Variants in ANKFN1 observed in about 807,000 individuals in gnomAD.
The protein encoded by ANKFN1 is ankyrin repeat and fibronectin type III domain containing 1, also known as ankyrin repeat and fibronectin type-III domain-containing protein 1.
A neutral mutation model predicts 108.7 loss-of-function variants in ANKFN1; 74 were observed. The ratio of observed to expected loss-of-function variants is 0.68; its 90% CI spans 0.56 to 0.83. The LOEUF is 0.83. Ranked by LOEUF, ANKFN1 falls within the 40% of genes least tolerant of loss-of-function variation. The pLI, the probability that ANKFN1 is intolerant of heterozygous loss-of-function variation, is 0.00. For synonymous variants in ANKFN1, 547 were observed against 516.2 expected, an observed-to-expected ratio of 1.06 and a Z score of -0.81; for missense variants, 1,505 against 1,382.3, an observed-to-expected ratio of 1.09 and a Z score of -1.41.
In ANKFN1 at chr17:56,064,724, G is replaced by A. The variant is rs1368324785; in HGVS notation, c.288+18399G>A. The stretch of plus-strand genomic sequence containing the variant: ...CTAAGGAGCTCAAATGGCTTAGACA[G>A]CAGGCAGCCGCAGCTGTGGTGCTTG... On this transcript the variant is annotated intron_variant, in intron 4 of 12. Coordinates refer to the ANKFN1 transcript ENST00000635860. 5.9e-5 allele frequency among the ~76,000 whole-genome samples: 9 copies of A among 152,368 alleles called. No homozygotes were observed. In the South Asian group the frequency reaches 1.9e-3, roughly 32 times the overall value.
At position 56,511,137 on chromosome 17, in the gene ANKFN1, C is replaced by T. The variant is rs1452908005; in HGVS notation, c.3309C>T (p.Asp1103=). ...ACGCAGCGGCCGTGGTGGCCCAGGA[C>T]GAAAAACCATGGGCAAGCTTGAGCC... ...EPYAAAVVAQ[D]EKPWASLSPP... is the part of the protein sequence containing the mutation. The change falls in exon 21 of 21, where the codon GAC becomes GAT. Residue 1103 remains aspartate, a synonymous_variant. Transcript: ENST00000682825. The T allele has an allele frequency of 1.3e-6, 2 of 1,535,906 alleles. No individual in the cohort carries two copies. The highest frequency in any genetic ancestry group is 1.7e-6 in the Non-Finnish European group (2 of 1,146,866).
intron 1 of ANKFN1, among the ~76,000 whole-genome samples, chr17:56,177,122 T>G (rs1014441167): frequency 6.6e-6 from 1 of 152,136 alleles, no homozygotes; most frequent in African/African-American, 2.4e-5. Context: ...CCTTGGTGAA[T>G]GACATGATTC....
upstream of ANKFN1, among the ~76,000 whole-genome samples, chr17:56,150,343 GA>G (rs1395121218): frequency 6.6e-6 from 1 of 152,184 alleles, no homozygotes; most frequent in Non-Finnish European, 1.5e-5. Flanking sequence ...TCCTGGGTCA[GA>G]ACCCCACATG....
At chr17:56,140,582 A>T (rs547239027) in intron 4 of ANKFN1, among the ~76,000 whole-genome samples, 29 of 152,220 alleles carry the variant, frequency 1.9e-4, no homozygotes, top group Non-Finnish European at 3.5e-4. Context: ...CGACTCTGCC[A>T]CCTAGTAGCT....
intron 6 of ANKFN1, among the ~76,000 whole-genome samples, chr17:56,367,555 C>T (rs766261662): frequency 7.2e-5 from 11 of 152,180 alleles, no homozygotes; most frequent in Non-Finnish European, 1.2e-4. Context: ...CACAATAGCA[C>T]AGAGCCTGTT....
chr17:56,492,525 A>G (rs541603460), intron 19 of ANKFN1, among the ~76,000 whole-genome samples, 172 bp downstream of exon 19: 1 of 152,302 alleles, frequency 6.6e-6, no homozygotes, highest in East Asian at 1.9e-4. Context: ...GTTTTCAAAC[A>G]AAGCCTTAAG....
chr17:56,439,915 ATG>A (rs1310286094), intron 8 of ANKFN1, among the ~76,000 whole-genome samples: 1 of 152,110 alleles, frequency 6.6e-6, no homozygotes, highest in Non-Finnish European at 1.5e-5. Context: ...GTGCCTGAGT[ATG>A]TGTGTGTATA....
At chr17:56,241,298 A>G (rs1019544518) in intron 3 of ANKFN1, among the ~76,000 whole-genome samples, 3 of 152,096 alleles carry the variant, frequency 2.0e-5, no homozygotes, top group Non-Finnish European at 2.9e-5. Flanking sequence ...AACAAATAAA[A>G]CAACAAAAAA....
chr17:56,430,580 T>G (rs1184486351), intron 8 of ANKFN1, among the ~76,000 whole-genome samples: 2 of 152,032 alleles, frequency 1.3e-5, no homozygotes, highest in East Asian at 3.9e-4. Context: ...TTGGCTTGAC[T>G]GTGTAATCAT....
intron 6 of ANKFN1, among the ~76,000 whole-genome samples, chr17:56,366,646 A>T (rs1426199020): frequency 6.6e-6 from 1 of 152,202 alleles, no homozygotes; most frequent in Non-Finnish European, 1.5e-5. Flanking sequence ...AGATTTAGAT[A>T]TACAAATACT....
chr17:56,210,053 G>GATAC (rs1362983931), intron 1 of ANKFN1, among the ~76,000 whole-genome samples: 6 of 132,408 alleles, frequency 4.5e-5, no homozygotes, highest in African/African-American at 1.1e-4. Flanking sequence ...TAGATAGATA[G>GATAC]ATAGATACAT....
At chr17:56,399,192 C>G (rs978969457) in intron 8 of ANKFN1, among the ~76,000 whole-genome samples, 6 of 152,032 alleles carry the variant, frequency 3.9e-5, no homozygotes, top group Admixed American at 1.3e-4. Context: ...AGTTAACACA[C>G]TGTATTCCAG....
chr17:56,275,431 C>A (rs977062970), intron 3 of ANKFN1, among the ~76,000 whole-genome samples: 1 of 151,360 alleles, frequency 6.6e-6, no homozygotes, highest in Non-Finnish European at 1.5e-5. Flanking sequence ...CTACCATAGA[C>A]GATTAGGAGA....
At chr17:56,059,160 T>C (rs1904929725) in intron 4 of ANKFN1, among the ~76,000 whole-genome samples, 1 of 152,248 alleles carries the variant, frequency 6.6e-6, no homozygotes, top group South Asian at 2.1e-4. Flanking sequence ...CATTGTGGTT[T>C]TGATTTGCAT....
rs1470820957 is a variant in ANKFN1, at chr17:56,385,051, G to A, written c.910+10337G>A. The stretch of plus-strand genomic sequence containing the variant: ...AAAAGAACAAAGCTGGAGGCATCAC[G>A]CTACCTGACTTCAAACTATACTACA... On this transcript the variant is annotated intron_variant, in intron 8 of 20. Coordinates refer to ENST00000682825, the MANE Select transcript of ANKFN1 (RefSeq NM_001370326.1). Among the ~76,000 whole-genome samples the A allele has an allele frequency of 7.9e-5, 12 of 151,158 alleles. No homozygotes were observed. In the East Asian group the frequency reaches 1.4e-3, roughly 17 times the overall value.
intron 4 of ANKFN1, among the ~76,000 whole-genome samples, chr17:56,336,062 A>C (rs573737712): frequency 1.3e-5 from 2 of 152,300 alleles, no homozygotes; most frequent in South Asian, 4.1e-4. Flanking sequence ...CCAGGGATGA[A>C]GCCAACTTGA....
intron 1 of ANKFN1, among the ~76,000 whole-genome samples, chr17:56,204,677 A>G (rs183649093): frequency 4.1e-4 from 63 of 152,194 alleles, no homozygotes; most frequent in Admixed American, 2.0e-3. Context: ...CGGATTGGAA[A>G]CCACTGTCAT....
intron 6 of ANKFN1, among the ~76,000 whole-genome samples, chr17:56,364,067 A>G (rs1042743109): frequency 2.0e-5 from 3 of 152,178 alleles, no homozygotes; most frequent in African/African-American, 7.2e-5. Context: ...AAATTGGTAA[A>G]AGAGTAAATT....
intron 4 of ANKFN1, among the ~76,000 whole-genome samples, chr17:56,120,574 C>T (rs945751779): frequency 2.6e-5 from 4 of 152,174 alleles, no homozygotes; most frequent in Admixed American, 2.6e-4. Context: ...CACCTGATTA[C>T]TGCCGCCTCC....
Sources: allele counts gnomAD v4.1 joint callset (sites outside exome capture counted in the v4.1 genomes callset), GRCh38; gene constraint gnomAD v4.1.1; transcripts MANE v1.5; gene names NCBI Gene and HGNC (gene_info 2026-07-23, HGNC 2026-07-21).